The following PLEC variants were observed in gnomAD, a reference collection of about 807,000 sequenced individuals.
PLEC encodes the protein plectin.
A neutral mutation model predicts 392.8 loss-of-function variants in PLEC; 216 were observed. The ratio of observed to expected loss-of-function variants is 0.55; its 90% confidence interval spans 0.49 to 0.62. The LOEUF (loss-of-function observed/expected upper bound fraction) is 0.62, where lower values mean the gene tolerates loss of function less well. PLEC is among the 20% of genes least tolerant of loss of function. The pLI, the probability that PLEC is intolerant of heterozygous loss-of-function variation, is 0.00. For missense variants in PLEC, 6,863 were observed against 6,563.4 expected, an observed-to-expected ratio of 1.05 and a Z score of -1.58; for synonymous variants, 3,621 against 2,980.6, an observed-to-expected ratio of 1.21 and a Z score of -7.00.
chr8:143,945,771 G>A (rs1831373652), intron 1 of PLEC, among the ~76,000 whole-genome samples: 1 of 152,188 alleles, frequency 6.6e-6, no homozygotes, highest in Non-Finnish European at 1.5e-5. Context: ...AGGCCACCCA[G>A]GTCCATGCTG....
At chr8:143,932,345 A>G in intron 16 of PLEC, 55 bp downstream of exon 16, 1 of 1,610,324 alleles carries the variant, frequency 6.2e-7, no homozygotes, top group Admixed American at 1.7e-5. Context: ...GGGGACGGCC[A>G]GGGCACAGCT....
At chr8:143,964,773 A>C (rs1833008872) in intron 1 of PLEC, among the ~76,000 whole-genome samples, 1 of 152,134 alleles carries the variant, frequency 6.6e-6, no homozygotes. Flanking sequence ...TCTTAGGCCT[A>C]TCCTGTGCCT....
chr8:143,926,725 G>T, intron 30 of PLEC, 59 bp downstream of exon 30: 3 of 1,379,660 alleles, frequency 2.2e-6, no homozygotes, highest in South Asian at 2.3e-5. Context: ...GGCTGTGTGT[G>T]GGACACAACA....
chr8:143,924,580 C>T lies in PLEC; in HGVS notation c.5349G>A (p.Glu1783=), dbSNP rs1824229702. The part of the protein sequence containing the change: ...RAEEESRSTS[E]KSKQRLEAEA... ...CGGCCTCCAGCCTCTGCTTGGACTT[C>T]TCGCTGGTGGAGCGCGACTCCTCCT... The change falls in exon 31 of 32, where the codon GAG becomes GAA. Residue 1783 remains glutamate, a synonymous_variant. Coordinates refer to ENST00000345136, the MANE Select transcript of PLEC (RefSeq NM_201384.3). 1.9e-6 allele frequency: 3 copies of T among 1,552,516 alleles called. No homozygotes were observed. In the East Asian group the frequency reaches 7.2e-5, roughly 37 times the overall value.
In PLEC at chr8:143,922,306, C is replaced by T; in HGVS notation, c.7515G>A (p.Arg2505=). The change falls in exon 32 of 32, where the codon CGG becomes CGA. Residue 2505 remains arginine, a synonymous_variant. Transcript: ENST00000345136. ...FLSEKDSLLQ[R]ERFIEQEKAK... ...CCTTCTCCTGCTCGATGAAGCGCTC[C>T]CGCTGTAGCAGGCTGTCCTTTTCAG... 1 of 1,607,786 alleles carries T rather than the reference C, an allele frequency of 6.2e-7. No homozygotes were observed. The highest frequency in any genetic ancestry group is 8.5e-7 in the Non-Finnish European group (1 of 1,179,892).
Position 143,917,954 on chromosome 8 carries a change from C to A in PLEC, c.11867G>T (p.Gly3956Val), listed in dbSNP as rs1554673582. 1.2e-6 allele frequency: 2 copies of A among 1,612,956 alleles called. No homozygotes were observed. The highest frequency in any genetic ancestry group is 2.7e-5 in the African/African-American group (2 of 75,046). The change falls in exon 32 of 32, where the codon GGC becomes GTC. Residue 3956 changes from glycine (G) to valine (V), a missense_variant. By Grantham distance (109) the Gly-to-Val change is moderately radical. Transcript: ENST00000345136. ...RLSVYQAMKK[G>V]IIRPGTAFEL... ...AAAGGCTGTGCCGGGGCGGATGATG[C>A]CCTTCTTCATGGCCTGGTACACCGA...
chr8:143,927,228 C>T (rs1554706851), intron 28 of PLEC, 24 bp downstream of exon 28: 1 of 1,609,138 alleles, frequency 6.2e-7, no homozygotes, highest in South Asian at 1.1e-5. Flanking sequence ...GACTTGGGGC[C>T]TGGTGCAGGC....
chr8:143,942,660 C>T, upstream of PLEC: 6 of 1,083,156 alleles, frequency 5.5e-6, no homozygotes, highest in Non-Finnish European at 2.5e-6. Context: ...CCGCCCACTG[C>T]GGGAGCGAGG....
intron 7 of PLEC, 36 bp from the exon 8 acceptor site, chr8:143,935,153 C>T (rs782401129): frequency 1.2e-5 from 20 of 1,611,722 alleles, no homozygotes; most frequent in South Asian, 1.2e-4. Context: ...GGCTCTGGGG[C>T]AGGCAGCAGG....
rs1554700783 is a variant in PLEC, at chr8:143,925,114, C to T, written c.4815G>A (p.Gln1605=). Residue 1605 remains glutamine (Q), a synonymous_variant, in exon 31 of 32, where the codon CAG becomes CAA. Coordinates refer to ENST00000345136, the MANE Select transcript of PLEC (RefSeq NM_201384.3). ...CCCGCCGCTCAGCCTCCTCCCGCAG[C>T]TGTGCCACAGCCACGTGTTCCTCCT... ...SLQEEHVAVA[Q]LREEAERRAQ... The T allele has an allele frequency of 3.2e-6, 5 of 1,556,652 alleles. No individual in the cohort carries two copies. The highest frequency in any genetic ancestry group is 3.5e-6 in the Non-Finnish European group (4 of 1,159,084).
At chr8:143,948,944 C>T (rs1384777655) in intron 1 of PLEC, among the ~76,000 whole-genome samples, 1 of 152,234 alleles carries the variant, frequency 6.6e-6, no homozygotes, top group Non-Finnish European at 1.5e-5. Flanking sequence ...GTCTTTGTCT[C>T]ATGCCTCCTG....
Position 143,922,284 on chromosome 8 carries a change from TCTC to T in PLEC, c.7534_7536del (p.Glu2512del), listed in dbSNP as rs781849691. ...TGGAAGAGCTGCTCCAGCTTGGCCT[TCTC>T]CTGCTCGATGAAGCGCTCCCGCTGT... On this transcript the variant is annotated inframe_deletion, in exon 32 of 32. Transcript: ENST00000345136. 10 of 1,606,456 alleles carry T rather than the reference TCTC, an allele frequency of 6.2e-6. No homozygotes were observed. Among genetic ancestry groups the T allele is most frequent in the African/African-American group, 1.3e-5 (1 of 75,036 alleles).
chr8:143,940,168 CCAGTGGGGT>C (rs1390433392), upstream of PLEC, among the ~76,000 whole-genome samples: 1 of 152,122 alleles, frequency 6.6e-6, no homozygotes, highest in African/African-American at 2.4e-5. Context: ...GGCCCTGGGG[CCAGTGGGGT>C]CCCACCCCAG....
intron 1 of PLEC, among the ~76,000 whole-genome samples, chr8:143,947,346 C>T (rs910776485): frequency 2.6e-5 from 4 of 152,242 alleles, no homozygotes; most frequent in African/African-American, 2.4e-5. Flanking sequence ...ACCGTGGTGG[C>T]GGCTACCTGG....
At chr8:143,934,976 G>A (rs1554721675) in intron 8 of PLEC, 35 bp downstream of exon 8, 3 of 1,611,034 alleles carry the variant, frequency 1.9e-6, no homozygotes, top group East Asian at 2.2e-5. Flanking sequence ...GGGCGTCCAG[G>A]CCCAAGCCCC....
Position 143,916,208 on chromosome 8 carries a change from G to T in PLEC, c.13613C>A (p.Ser4538Tyr). Residue 4538 changes from serine to tyrosine, a missense_variant, in exon 32 of 32, where the codon TCC (serine) becomes TAC (tyrosine). Coordinates refer to ENST00000345136, the MANE Select transcript of PLEC (RefSeq NM_201384.3). Reference sequence around the variant, plus strand: ...CACGGCAGACTCAGGGCCCCCCAGGGAGGCCGAGGACCCCGAGGCGTAGCG... The same window carrying T: ...CACGGCAGACTCAGGGCCCCCCAGGTAGGCCGAGGACCCCGAGGCGTAGCG... ...GRRYASGSSA[S>Y]LGGPESAVA The T allele has an allele frequency of 6.5e-7, 1 of 1,544,722 alleles. No individual in the cohort carries two copies.
chr8:143,922,097 T>G lies in PLEC; in HGVS notation c.7724A>C (p.Gln2575Pro). ...CTGCTGCCGCCGCTGCTGCTCCAGCTGCTGCAGCTCCTCCTGCTTGCGCCG... is the reference window on the plus strand; with the variant it reads ...CTGCTGCCGCCGCTGCTGCTCCAGCGGCTGCAGCTCCTCCTGCTTGCGCCG... ...GVRRKQEELQ[Q>P]LEQQRRQQEE... Residue 2575 changes from glutamine (Q) to proline (P), a missense_variant, in exon 32 of 32, where the codon CAG (glutamine) becomes CCG (proline). Gln to Pro is a moderately conservative substitution (Grantham distance 76). Transcript: ENST00000345136. The G allele has an allele frequency of 6.4e-7, 1 of 1,564,016 alleles. No homozygotes were observed. The highest frequency in any genetic ancestry group is 8.6e-7 in the Non-Finnish European group (1 of 1,162,008).
Position 143,934,944 on chromosome 8 carries a change from G to A in PLEC, c.826-15C>T, listed in dbSNP as rs112349795. 3.7e-5 allele frequency: 59 copies of A among 1,610,766 alleles called. No individual in the cohort carries two copies. Among genetic ancestry groups the A allele is most frequent in the Admixed American group, 2.8e-4 (17 of 59,972 alleles). ...AGCTGCAGCTCCTGCGGGCAGGCAC[G>A]GGCGGCTGTCAGGGGTCGTCGGGGC... On this transcript the variant is annotated splice_polypyrimidine_tract_variant and intron_variant, in intron 8 of 31. Transcript: ENST00000345136.
intron 11 of PLEC, 95 bp from the exon 12 acceptor site, chr8:143,934,186 C>CTG: frequency 2.5e-6 from 4 of 1,584,702 alleles, no homozygotes; most frequent in Non-Finnish European, 3.5e-6. Context: ...GTCTCCCTGG[C>CTG]TGTGGCCCAC....
Sources: gnomAD v4.1 joint callset for allele counts (sites outside exome capture counted in the v4.1 genomes callset) on GRCh38, gnomAD v4.1.1 for gene constraint, MANE v1.5 for transcripts, NCBI Gene and HGNC (gene_info 2026-07-23, HGNC 2026-07-21) for gene names.